PKNOX2: variants seen among roughly 807,000 people sequenced by gnomAD.
PKNOX2 encodes the protein PBX/knotted 1 homeobox 2.
A neutral mutation model predicts 53.1 loss-of-function variants in PKNOX2; 14 were observed. That is an observed-to-expected ratio of 0.26 (90% CI 0.17 to 0.41). PKNOX2 has a LOEUF of 0.41. Ranked by LOEUF, PKNOX2 falls within the 10% of genes least tolerant of loss-of-function variation. PKNOX2 has a pLI of 1.00. For missense variants in PKNOX2, 496 were observed against 602.8 expected (o/e 0.82, Z 1.85); for synonymous variants, 257 against 242.8 (o/e 1.06, Z -0.54).
At chr11:125,424,877 G>A (rs999200288) in intron 10 of PKNOX2, among the ~76,000 whole-genome samples, 1 of 152,232 alleles carries the variant, frequency 6.6e-6, no homozygotes, top group Admixed American at 6.5e-5. Context: ...ATTGAAAGAT[G>A]CTTTTAGTAT....
intron 1 of PKNOX2, among the ~76,000 whole-genome samples, chr11:125,213,306 T>G (rs1940089790): frequency 6.6e-6 from 1 of 152,156 alleles, no homozygotes; most frequent in Non-Finnish European, 1.5e-5. Context: ...TTACCTTTGT[T>G]GTTTACCTAT....
intron 2 of PKNOX2, among the ~76,000 whole-genome samples, chr11:125,272,656 T>C (rs1945878850): frequency 6.6e-6 from 1 of 152,160 alleles, no homozygotes; most frequent in African/African-American, 2.4e-5. Context: ...GCTTTGATCG[T>C]GTCGCGTAAA....
rs1353571980 is a variant in PKNOX2, at chr11:125,352,451, G to T, written c.87+1059G>T. Among the ~76,000 whole-genome samples the T allele has an allele frequency of 1.3e-5, 2 of 152,092 alleles. No individual in the cohort carries two copies. The highest frequency in any genetic ancestry group is 2.9e-5 in the Non-Finnish European group (2 of 68,032). ...CTCCTCTGCCATCCCTCACTCATTG[G>T]CATTTTCAAACACAGTGGTTCTCAT... On this transcript the variant is annotated intron_variant, in intron 4 of 12. Coordinates refer to ENST00000298282, the MANE Select transcript of PKNOX2 (RefSeq NM_001382323.2). The surrounding 1 kb of genome is among the most constrained non-coding windows in gnomAD (Gnocchi z 4.1).
chr11:125,410,071 C>A, intron 7 of PKNOX2, 125 bp from the exon 8 acceptor site: 1 of 1,328,978 alleles, frequency 7.5e-7, no homozygotes, highest in Non-Finnish European at 1.0e-6. Flanking sequence ...GGACCTGGGT[C>A]TGGGGAGGAG....
At chr11:125,320,297 A>C (rs1949447566) in intron 2 of PKNOX2, among the ~76,000 whole-genome samples, 1 of 152,176 alleles carries the variant, frequency 6.6e-6, no homozygotes, top group Non-Finnish European at 1.5e-5. Context: ...GCAGAGATTC[A>C]GGAGGTTACG....
chr11:125,232,218 C>G (rs7934879), intron 1 of PKNOX2, among the ~76,000 whole-genome samples: 3,866 of 152,344 alleles, frequency 0.025, 158 homozygotes, highest in African/African-American at 0.087. Flanking sequence ...GCTTTAGTCA[C>G]TAGAGCAAGG....
At chr11:125,289,019 C>T (rs771871768) in intron 2 of PKNOX2, among the ~76,000 whole-genome samples, 12 of 152,226 alleles carry the variant, frequency 7.9e-5, no homozygotes, top group Non-Finnish European at 1.3e-4. Flanking sequence ...TAACATGTAA[C>T]AACATAGCAC....
At chr11:125,236,575 G>A (rs1426270653) in intron 2 of PKNOX2, among the ~76,000 whole-genome samples, 1 of 152,196 alleles carries the variant, frequency 6.6e-6, no homozygotes, top group Non-Finnish European at 1.5e-5. Context: ...GAGGGCAGCC[G>A]GGCACCTGGC....
At chr11:125,263,096 G>A (rs907576106) in intron 2 of PKNOX2, among the ~76,000 whole-genome samples, 6 of 152,152 alleles carry the variant, frequency 3.9e-5, no homozygotes, top group African/African-American at 1.4e-4. Flanking sequence ...AGACTCAGTC[G>A]GGTGCCAGCC....
intron 2 of PKNOX2, among the ~76,000 whole-genome samples, chr11:125,308,326 A>G (rs1478622011): frequency 6.6e-6 from 1 of 151,920 alleles, no homozygotes; most frequent in Non-Finnish European, 1.5e-5. Context: ...AGGAGGAACC[A>G]CCCCCAAGAA....
At chr11:125,309,156 TTTCC>T (rs1203209834) in intron 2 of PKNOX2, among the ~76,000 whole-genome samples, 38 of 137,304 alleles carry the variant, frequency 2.8e-4, no homozygotes, top group African/African-American at 7.3e-4. Context: ...TCTTTCTTTC[TTTCC>T]TTCCTTCCTT....
At chr11:125,204,871 ACTGT>A (rs1158558942) in intron 1 of PKNOX2, among the ~76,000 whole-genome samples, 1 of 151,954 alleles carries the variant, frequency 6.6e-6, no homozygotes, top group African/African-American at 2.4e-5. Flanking sequence ...CTTAGCAGAG[ACTGT>A]CTGGTGTGAT....
intron 2 of PKNOX2, among the ~76,000 whole-genome samples, chr11:125,320,857 T>C (rs369886568): frequency 6.6e-6 from 1 of 152,190 alleles, no homozygotes. Flanking sequence ...AAGCACTCCA[T>C]GCTGGCAACC....
At chr11:125,363,313 G>A (rs1470425625) in intron 4 of PKNOX2, among the ~76,000 whole-genome samples, 1 of 152,218 alleles carries the variant, frequency 6.6e-6, no homozygotes, top group Non-Finnish European at 1.5e-5. Context: ...CCCATCAGTA[G>A]CCATTGTCTG....
chr11:125,191,958 C>T (rs633662), intron 1 of PKNOX2, among the ~76,000 whole-genome samples: 31,265 of 152,134 alleles, frequency 0.21, 3,803 homozygotes, highest in South Asian at 0.33. Flanking sequence ...GTCAATAGAG[C>T]TGTTAAAACA....
chr11:125,256,480 G>A lies in PKNOX2; in HGVS notation c.-130+21365G>A, dbSNP rs546926962. ...GAAGAAGGGAGGTTTTCCTGACCAGGTAGTACCCACTCTGTGCATTTGGGG... is the reference window on the plus strand; with the variant it reads ...GAAGAAGGGAGGTTTTCCTGACCAGATAGTACCCACTCTGTGCATTTGGGG... On this transcript the variant is annotated intron_variant, in intron 2 of 12. Coordinates refer to ENST00000298282, the MANE Select transcript of PKNOX2 (RefSeq NM_001382323.2). Among the ~76,000 whole-genome samples the A allele has an allele frequency of 4.5e-4, 68 of 152,298 alleles. 1 individual carries two copies. The highest frequency in any genetic ancestry group is 1.6e-3 in the African/African-American group (66 of 41,560).
chr11:125,431,438 C>G lies in PKNOX2; in HGVS notation c.*46C>G. On this transcript the variant is annotated 3_prime_UTR_variant, in exon 13 of 13. Transcript: ENST00000298282. ...TGATCACTGAGCAGGAGAGGAGTGT[C>G]GCCGGGAGGCCTTCAGGGTGGGGGG... The G allele has an allele frequency of 5.0e-6, 5 of 998,450 alleles. No homozygotes were observed. The highest frequency in any genetic ancestry group is 6.5e-6 in the Non-Finnish European group (5 of 773,094). 61.8% of individuals were successfully genotyped at this position (998,450 alleles called of 1,614,324 possible).
At position 125,325,053 on chromosome 11, in the gene PKNOX2, G is replaced by A. The variant is rs559678395; in HGVS notation, c.-129-6766G>A. 3.3e-5 allele frequency among the ~76,000 whole-genome samples: 5 copies of A among 152,340 alleles called. No homozygotes were observed. The East Asian group carries it at 9.6e-4, about 29-fold the overall frequency. On this transcript the variant is annotated intron_variant, in intron 2 of 12. Transcript: ENST00000298282. ...CAAATAAGAAAATCCTGCTGGGCAAGTGAAAGGCTTTTTCTAAAGTCCCTT... is the reference window on the plus strand; with the variant it reads ...CAAATAAGAAAATCCTGCTGGGCAAATGAAAGGCTTTTTCTAAAGTCCCTT...
chr11:125,413,329 G>C (rs1350959549), intron 10 of PKNOX2, among the ~76,000 whole-genome samples: 1 of 152,198 alleles, frequency 6.6e-6, no homozygotes, highest in African/African-American at 2.4e-5. Context: ...TCAGTGGCTG[G>C]AGTGCACAGG....
Sources: allele counts gnomAD v4.1 joint callset (sites outside exome capture counted in the v4.1 genomes callset), GRCh38; gene constraint gnomAD v4.1.1; non-coding constraint Gnocchi (gnomAD v3.1); transcripts MANE v1.5; gene names NCBI Gene and HGNC (gene_info 2026-07-23, HGNC 2026-07-21).